Variants in LAMB4 observed in about 807,000 individuals in gnomAD.
The protein encoded by LAMB4 is laminin subunit beta 4.
Under a neutral mutation model 199.2 loss-of-function variants are expected in LAMB4, and 196 were observed. The ratio of observed to expected loss-of-function variants is 0.98; its 90% confidence interval spans 0.88 to 1.11. The LOEUF (loss-of-function observed/expected upper bound fraction) is 1.11. LAMB4 is among the 50% of genes least tolerant of loss of function. The pLI is 0.00. For synonymous variants in LAMB4, 744 were observed against 770.6 expected (o/e 0.97, Z 0.57); for missense variants, 2,080 against 2,171.2 (o/e 0.96, Z 0.83).
chr7:108,129,831 G>A (rs1391679322), intron 1 of LAMB4, among the ~76,000 whole-genome samples: 2 of 152,148 alleles, frequency 1.3e-5, no homozygotes, highest in African/African-American at 4.8e-5. Flanking sequence ...GCCCGGCCAA[G>A]TTTATGTTTC....
At position 108,055,869 on chromosome 7, in the gene LAMB4, A is replaced by C. The variant is rs1354964133; in HGVS notation, c.3518T>G (p.Leu1173Arg). The C allele has an allele frequency of 1.2e-6, 2 of 1,614,184 alleles. No homozygotes were observed. Among genetic ancestry groups the C allele is most frequent in the Non-Finnish European group, 1.7e-6 (2 of 1,180,030 alleles). Residue 1173 changes from leucine (L) to arginine (R), a missense_variant, in exon 25 of 34, where the codon CTT (leucine) becomes CGT (arginine). Leu to Arg is a moderately radical substitution (Grantham distance 102). Coordinates refer to ENST00000388781, the MANE Select transcript of LAMB4 (RefSeq NM_007356.3). The stretch of plus-strand genomic sequence containing the variant: ...CTGATCAAAGCACAAGTGACATTGA[A>C]GACAAGTAGGGAATTCCTGGCTGTG... Reference protein sequence around the residue: ...RGHSQEFPTCLQCHLCFDQWD... With the variant: ...RGHSQEFPTCRQCHLCFDQWD...
At chr7:108,065,529 G>C (rs1311482154) in intron 21 of LAMB4, among the ~76,000 whole-genome samples, 1 of 151,918 alleles carries the variant, frequency 6.6e-6, no homozygotes, top group Non-Finnish European at 1.5e-5. Context: ...TAGTTTTCTA[G>C]AACATTATTT....
chr7:108,052,391 A>C, intron 25 of LAMB4, 134 bp from the exon 26 acceptor site: 2 of 606,966 alleles, frequency 3.3e-6, no homozygotes, highest in East Asian at 2.9e-5. Context: ...CGAGTTTTTC[A>C]TTTGACGGTT....
intron 14 of LAMB4, among the ~76,000 whole-genome samples, chr7:108,081,101 G>A (rs150407723): frequency 3.9e-5 from 6 of 152,130 alleles, no homozygotes; most frequent in South Asian, 2.1e-4. Context: ...CAGCCTGGGC[G>A]ACAGAGCGAG....
chr7:108,104,675 G>T, intron 8 of LAMB4, 56 bp from the exon 9 acceptor site: 1 of 1,582,856 alleles, frequency 6.3e-7, no homozygotes. Context: ...GGGACGTTGG[G>T]GTTCTTTAAA....
At chr7:108,098,104 G>A (rs1315097757) in intron 11 of LAMB4, among the ~76,000 whole-genome samples, 1 of 152,136 alleles carries the variant, frequency 6.6e-6, no homozygotes, top group African/African-American at 2.4e-5. Context: ...GGGCCGAGGT[G>A]GGCGGATCAC....
At chr7:108,059,824 CT>C (rs2036103500) in intron 23 of LAMB4, among the ~76,000 whole-genome samples, 1 of 152,214 alleles carries the variant, frequency 6.6e-6, no homozygotes, top group Non-Finnish European at 1.5e-5. Flanking sequence ...AATTGCAAAA[CT>C]TTACTTTTAA....
intron 26 of LAMB4, 35 bp from the exon 27 acceptor site, chr7:108,049,566 G>A (rs775183924): frequency 2.3e-6 from 3 of 1,279,496 alleles, no homozygotes; most frequent in South Asian, 2.7e-5. Flanking sequence ...GGTAAATTTT[G>A]TGAAAACAAA....
In LAMB4 at chr7:108,116,230, T is replaced by C; in HGVS notation, c.35-69A>G. Reference sequence around the variant, plus strand: ...ACAGCACAGGGCCTGCAGAAATGACTGGTTAAGGGGGAAAGTTATGTATTT... The same window carrying C: ...ACAGCACAGGGCCTGCAGAAATGACCGGTTAAGGGGGAAAGTTATGTATTT... On this transcript the variant is annotated intron_variant, in intron 2 of 33. Transcript: ENST00000388781. 2.8e-6 allele frequency: 4 copies of C among 1,414,992 alleles called. No individual in the cohort carries two copies. The Admixed American group carries it at 6.3e-5, about 22-fold the overall frequency. The allele number at this position is 1,414,992 out of a possible 1,614,324, so 87.7% of individuals were successfully genotyped here. A position where few individuals can be genotyped will look rare whatever the true frequency, so the allele number is the denominator to read the frequency against.
chr7:108,058,034 G>A, intron 23 of LAMB4, 106 bp from the exon 24 acceptor site: 2 of 742,228 alleles, frequency 2.7e-6, no homozygotes, highest in East Asian at 2.7e-5. Context: ...ACATACAGCT[G>A]TGCAAAGGCG....
At chr7:108,066,029 TAGA>T in intron 20 of LAMB4, 110 bp from the exon 21 acceptor site, 1 of 1,094,622 alleles carries the variant, frequency 9.1e-7, no homozygotes, top group Non-Finnish European at 1.3e-6. Context: ...CTGAATATTT[TAGA>T]AGATGTTCAT....
intron 30 of LAMB4, among the ~76,000 whole-genome samples, chr7:108,035,623 G>GA (rs1254348847): frequency 4.5e-4 from 35 of 77,336 alleles, no homozygotes; most frequent in African/African-American, 1.5e-3. Context: ...AAAAAAAAAA[G>GA]AAAAAAAAAC....
chr7:108,011,689 G>A, the LAMB4 span, among the ~76,000 whole-genome samples: 1 of 152,062 alleles, frequency 6.6e-6, no homozygotes, highest in African/African-American at 2.4e-5. Flanking sequence ...AAAGTGCATG[G>A]ATTACAGGCG....
intron 29 of LAMB4, 115 bp downstream of exon 29, chr7:108,043,637 T>C (rs2035511940): frequency 5.6e-6 from 1 of 179,016 alleles, no homozygotes. Flanking sequence ...TGGAGTGCAG[T>C]GGCGCGATCT....
chr7:108,012,356 G>A, the LAMB4 span, among the ~76,000 whole-genome samples: 1,049 of 152,268 alleles, frequency 6.9e-3, 12 homozygotes, highest in African/African-American at 0.023. Context: ...ATTTGGGATG[G>A]GGGTTAAGGG....
chr7:108,121,173 T>C (rs1405628770), intron 2 of LAMB4, among the ~76,000 whole-genome samples: 2 of 152,174 alleles, frequency 1.3e-5, no homozygotes, highest in African/African-American at 4.8e-5. Context: ...AACCTGAAGA[T>C]AGAACCTGAA....
chr7:108,129,137 C>CT (rs1364537016), intron 1 of LAMB4, among the ~76,000 whole-genome samples: 5 of 152,276 alleles, frequency 3.3e-5, no homozygotes, highest in Admixed American at 6.5e-5. Context: ...AGAGTTTACT[C>CT]TTTTTTGTCA....
At chr7:108,099,430 A>T (rs1584750701) in intron 10 of LAMB4, among the ~76,000 whole-genome samples, 1 of 152,222 alleles carries the variant, frequency 6.6e-6, no homozygotes, top group Non-Finnish European at 1.5e-5. Flanking sequence ...CACAAAAGGT[A>T]GCACTTGATT....
chr7:108,068,011 C>T lies in LAMB4; in HGVS notation c.2446+5G>A, dbSNP rs759878929. The stretch of plus-strand genomic sequence containing the variant: ...GTGTTTCCCCTTGTGTGTTTTGCTA[C>T]GTACGGTGACAGCCGTGATGCCCCA... On this transcript the variant is annotated splice_donor_5th_base_variant and intron_variant, in intron 19 of 33. Transcript: ENST00000388781. 46 of 1,614,034 alleles carry T rather than the reference C, an allele frequency of 2.9e-5. No homozygotes were observed. Among genetic ancestry groups the T allele is most frequent in the African/African-American group, 2.1e-4 (16 of 74,912 alleles).
Sources: gnomAD v4.1 joint callset for allele counts (sites outside exome capture counted in the v4.1 genomes callset) on GRCh38, gnomAD v4.1.1 for gene constraint, MANE v1.5 for transcripts, NCBI Gene and HGNC (gene_info 2026-07-23, HGNC 2026-07-21) for gene names.